The following MAST4 variants were observed in gnomAD, a reference collection of about 807,000 sequenced individuals.
MAST4 encodes the protein microtubule-associated serine/threonine-protein kinase 4.
MAST4 carries 89 observed loss-of-function variants against 162.7 expected under a neutral mutation model. That is an observed-to-expected ratio of 0.55 (90% CI 0.46 to 0.65). The LOEUF (loss-of-function observed/expected upper bound fraction) is 0.65. Ranked by LOEUF, MAST4 falls within the 30% of genes least tolerant of loss-of-function variation. MAST4 has a pLI of 0.00. For missense variants in MAST4, 3,153 were observed against 3,374.0 expected (o/e 0.93, Z 1.62); for synonymous variants, 1,479 against 1,361.1 (o/e 1.09, Z -1.91).
intron 1 of MAST4, among the ~76,000 whole-genome samples, chr5:66,741,457 T>C (rs550006416): frequency 5.4e-4 from 82 of 152,322 alleles, no homozygotes; most frequent in South Asian, 8.3e-4. Context: ...TTGTGGGCTA[T>C]ATGGTCTCTG....
intron 3 of MAST4, among the ~76,000 whole-genome samples, chr5:66,800,637 C>G (rs1755872116): frequency 6.6e-6 from 1 of 151,992 alleles, no homozygotes; most frequent in Non-Finnish European, 1.5e-5. Flanking sequence ...TACAACAAAC[C>G]CCCATGACAC....
At chr5:66,974,944 C>T (rs573335941) in intron 4 of MAST4, among the ~76,000 whole-genome samples, 1 of 152,220 alleles carries the variant, frequency 6.6e-6, no homozygotes, top group Admixed American at 6.5e-5. Flanking sequence ...ATGGTGGCCC[C>T]AAAGATATCA....
At chr5:66,985,976 A>T (rs1749438200) in intron 4 of MAST4, among the ~76,000 whole-genome samples, 2 of 152,214 alleles carry the variant, frequency 1.3e-5, no homozygotes, top group South Asian at 2.1e-4. Context: ...TCCTGTAAAC[A>T]TATATTGATT....
chr5:66,735,422 A>C (rs574546316), intron 1 of MAST4, among the ~76,000 whole-genome samples: 1 of 152,344 alleles, frequency 6.6e-6, no homozygotes, highest in African/African-American at 2.4e-5. Flanking sequence ...TTATATGAAC[A>C]TATGTATTTT....
chr5:66,618,358 T>C (rs1368442528), intron 1 of MAST4, among the ~76,000 whole-genome samples: 1 of 152,196 alleles, frequency 6.6e-6, no homozygotes, highest in Non-Finnish European at 1.5e-5. Flanking sequence ...TTGGACCTGT[T>C]TTCCTTTCAA....
chr5:67,028,260 A>G (rs1035284263), intron 4 of MAST4, among the ~76,000 whole-genome samples: 3 of 152,038 alleles, frequency 2.0e-5, no homozygotes, highest in African/African-American at 7.2e-5. Context: ...TAGGCAAAAC[A>G]ACAACAACAA....
chr5:66,597,001 G>C lies in MAST4; in HGVS notation c.346G>C (p.Glu116Gln), dbSNP rs570963530. 10 of 1,451,764 alleles carry C rather than the reference G, an allele frequency of 6.9e-6. No individual in the cohort carries two copies. In the East Asian group the frequency reaches 2.7e-4, roughly 39 times the overall value. 89.9% of individuals were successfully genotyped at this position (1,451,764 alleles called of 1,614,324 possible). Residue 116 changes from glutamate to glutamine, a missense_variant, in exon 1 of 29, where the codon GAG (glutamate) becomes CAG (glutamine). Around this residue, in one of 7 missense-constraint regions of MAST4, gnomAD observed 327 missense variants for 336.5 expected, o/e 0.97. Coordinates refer to ENST00000403625, the MANE Select transcript of MAST4 (RefSeq NM_001164664.2). Reference sequence around the variant, plus strand: ...GCCCCGGGGCAGCAGCGCGTCCCAGGAGGAGCAGGACGAGGAGGTGGGCCT... The same window carrying C: ...GCCCCGGGGCAGCAGCGCGTCCCAGCAGGAGCAGGACGAGGAGGTGGGCCT... Reference protein sequence around the residue: ...PAPRGSSASQEEQDEELDHIL... With the variant: ...PAPRGSSASQQEQDEELDHIL...
chr5:66,596,477 A>G lies in MAST4; in HGVS notation c.-179A>G. On this transcript the variant is annotated 5_prime_UTR_variant, in exon 1 of 29. Transcript: ENST00000403625. ...TTGCGGCCGGGCCCGGGCGGCTGTG[A>G]ACTTAGCAGCGGGCTCCTGCGGCCC... The G allele has an allele frequency of 1.4e-6, 1 of 735,546 alleles. No individual in the cohort carries two copies. Among genetic ancestry groups the G allele is most frequent in the Non-Finnish European group, 1.9e-6 (1 of 531,670 alleles). 45.6% of individuals were successfully genotyped at this position (735,546 alleles called of 1,614,324 possible).
At chr5:66,801,495 A>G (rs1755920502) in intron 3 of MAST4, among the ~76,000 whole-genome samples, 1 of 152,214 alleles carries the variant, frequency 6.6e-6, no homozygotes, top group African/African-American at 2.4e-5. Flanking sequence ...TGATGTTCTA[A>G]CATTTGTTTT....
chr5:67,131,681 G>C (rs1312654253), intron 15 of MAST4, 132 bp from the exon 16 acceptor site: 2 of 767,730 alleles, frequency 2.6e-6, no homozygotes, highest in Non-Finnish European at 4.1e-6. Context: ...TTAACACATA[G>C]ACTCCAGTTG....
intron 3 of MAST4, among the ~76,000 whole-genome samples, chr5:66,802,721 A>C (rs889909879): frequency 2.6e-5 from 4 of 152,106 alleles, no homozygotes; most frequent in African/African-American, 9.7e-5. Context: ...AATCACCCCA[A>C]CACTTTCAGC....
At chr5:66,749,602 G>C (rs866546327) in intron 1 of MAST4, among the ~76,000 whole-genome samples, 4 of 152,184 alleles carry the variant, frequency 2.6e-5, no homozygotes, top group African/African-American at 9.7e-5. Flanking sequence ...ACTTACTACA[G>C]GACAATGATA....
chr5:66,659,807 G>C (rs1746788597), intron 1 of MAST4, among the ~76,000 whole-genome samples: 1 of 152,212 alleles, frequency 6.6e-6, no homozygotes, highest in Non-Finnish European at 1.5e-5. Context: ...GCTAGCAGAG[G>C]TGTGAATAAC....
chr5:66,936,104 A>G (rs1247326318), intron 4 of MAST4, among the ~76,000 whole-genome samples: 1 of 152,112 alleles, frequency 6.6e-6, no homozygotes, highest in Non-Finnish European at 1.5e-5. Flanking sequence ...AGTCTTTATC[A>G]CTTCTTTGAC....
chr5:66,909,128 G>A (rs1763574268), intron 4 of MAST4, among the ~76,000 whole-genome samples: 1 of 152,166 alleles, frequency 6.6e-6, no homozygotes. Flanking sequence ...GATCATTGGA[G>A]TAGCATTTTC....
intron 4 of MAST4, among the ~76,000 whole-genome samples, chr5:67,044,499 C>T (rs1757134775): frequency 1.3e-5 from 2 of 152,040 alleles, no homozygotes; most frequent in South Asian, 4.2e-4. Context: ...ACTATAAATC[C>T]TTCCTTCCTC....
Position 66,912,846 on chromosome 5 carries a change from T to C in MAST4, c.674+12864T>C, listed in dbSNP as rs143257293. On this transcript the variant is annotated intron_variant, in intron 4 of 28. Coordinates refer to ENST00000403625, the MANE Select transcript of MAST4 (RefSeq NM_001164664.2). The stretch of plus-strand genomic sequence containing the variant: ...AGAATTAAAACAAAGAGACTTCAAA[T>C]TGGTTTTCATAAGGGTCTAAGTCTT... Among the ~76,000 whole-genome samples the C allele has an allele frequency of 5.9e-4, 90 of 152,234 alleles. 2 individuals are homozygous for C. The highest frequency in any genetic ancestry group is 2.1e-3 in the African/African-American group (86 of 41,550).
chr5:66,797,137 G>C (rs967039766), intron 3 of MAST4, among the ~76,000 whole-genome samples: 18 of 152,192 alleles, frequency 1.2e-4, no homozygotes, highest in African/African-American at 4.3e-4. Context: ...TTGTCCTTCT[G>C]GCATCCTATT....
intron 1 of MAST4, among the ~76,000 whole-genome samples, chr5:66,667,786 T>C (rs1747357697): frequency 7.4e-6 from 1 of 134,838 alleles, no homozygotes; most frequent in Admixed American, 6.9e-5. Flanking sequence ...CAACAAATTA[T>C]AATTGATTTT....
Sources: gnomAD v4.1 joint callset for allele counts (sites outside exome capture counted in the v4.1 genomes callset) on GRCh38, gnomAD v4.1.1 for gene constraint, gnomAD v4.1.1 regional missense constraint, MANE v1.5 for transcripts, NCBI Gene and HGNC (gene_info 2026-07-23, HGNC 2026-07-21) for gene names.